The following A2M variants were observed in gnomAD, a reference collection of about 807,000 sequenced individuals.
The protein encoded by A2M is alpha-2-macroglobulin, also known as C3 and PZP-like alpha-2-macroglobulin domain-containing protein 5.
A neutral mutation model predicts 183.9 loss-of-function variants in A2M; 128 were observed. That is an observed-to-expected ratio of 0.70 (90% CI 0.60 to 0.81). The LOEUF (loss-of-function observed/expected upper bound fraction) is 0.81, where lower values mean the gene tolerates loss of function less well. A2M is among the 30% of genes least tolerant of loss of function. The pLI is 0.00. For synonymous variants in A2M, 592 were observed against 670.8 expected (o/e 0.88, Z 1.81); for missense variants, 1,495 against 1,787.6 (o/e 0.84, Z 2.95).
At chr12:9,112,620 T>C in intron 2 of A2M, 84 bp from the exon 3 acceptor site, 1 of 1,465,308 alleles carries the variant, frequency 6.8e-7, no homozygotes, top group Non-Finnish European at 9.4e-7. Flanking sequence ...TCCCTGGAGA[T>C]CTTGCCCTTC....
At chr12:9,113,604 C>T (rs1009035747) in intron 1 of A2M, 61 bp from the exon 2 acceptor site, 2 of 1,454,170 alleles carry the variant, frequency 1.4e-6, no homozygotes, top group Non-Finnish European at 1.9e-6. Flanking sequence ...CTATCAACAG[C>T]ACTTTTTTCC....
intron 10 of A2M, among the ~76,000 whole-genome samples, chr12:9,105,263 C>A (rs1426552861): frequency 1.3e-5 from 2 of 152,124 alleles, no homozygotes; most frequent in African/African-American, 2.4e-5. Flanking sequence ...TGTACAAAGA[C>A]AAGAATAGGC....
At chr12:9,114,435 CTTAGA>C (rs1938971140) in intron 1 of A2M, among the ~76,000 whole-genome samples, 1 of 151,972 alleles carries the variant, frequency 6.6e-6, no homozygotes, top group South Asian at 2.1e-4. Context: ...TAAATTAATA[CTTAGA>C]TTACTTTTAC....
rs369389194 is a variant in A2M at position 9,090,429 on chromosome 12, C to T, written c.2523G>A (p.Lys841=). 3 of 1,613,906 alleles carry T rather than the reference C, an allele frequency of 1.9e-6. No homozygotes were observed. The African/African-American group carries it at 4.0e-5, about 22-fold the overall frequency. ...SPAFLAVPVE[K]EQAPHCICAN... Reference sequence around the variant, plus strand: ...CACAGATGCAGTGAGGCGCTTGTTCCTTCTCCACTGGGACAGCTAGGAAGG... The same window carrying T: ...CACAGATGCAGTGAGGCGCTTGTTCTTTCTCCACTGGGACAGCTAGGAAGG... Residue 841 remains lysine, a synonymous_variant, in exon 20 of 36, where the codon AAG becomes AAA. Coordinates refer to ENST00000318602, the MANE Select transcript of A2M (RefSeq NM_000014.6).
chr12:9,068,109 T>A, intron 35 of A2M, 74 bp downstream of exon 35: 1 of 1,508,252 alleles, frequency 6.6e-7, no homozygotes, highest in Non-Finnish European at 9.1e-7. Flanking sequence ...TACCCAGCGT[T>A]TTATGAAGGA....
chr12:9,112,289 C>G, intron 3 of A2M, 78 bp from the exon 4 acceptor site: 1 of 1,605,830 alleles, frequency 6.2e-7, no homozygotes, highest in African/African-American at 1.3e-5. Flanking sequence ...ATTAAGGAAC[C>G]AAGATTATAG....
intron 22 of A2M, among the ~76,000 whole-genome samples, chr12:9,086,717 A>C (rs1375100945): frequency 6.6e-6 from 1 of 152,236 alleles, no homozygotes; most frequent in East Asian, 1.9e-4. Context: ...CTTTCCTTTA[A>C]GATCTGGAAC....
intron 28 of A2M, among the ~76,000 whole-genome samples, chr12:9,075,064 T>C (rs972721790): frequency 2.6e-5 from 4 of 152,238 alleles, no homozygotes; most frequent in Admixed American, 1.3e-4. Flanking sequence ...AGTTGTCTCA[T>C]TGAGTCTGGC....
chr12:9,101,268 T>C, intron 12 of A2M, 61 bp from the exon 13 acceptor site: 1 of 1,498,136 alleles, frequency 6.7e-7, no homozygotes, highest in Middle Eastern at 1.7e-4. Flanking sequence ...TCAGTCTCAC[T>C]TCAATATACT....
At chr12:9,112,816 G>A in intron 2 of A2M, 1 of 392,202 alleles carries the variant, frequency 2.5e-6, no homozygotes, top group East Asian at 4.9e-5. Context: ...TATACGCTGA[G>A]CTTTACCAGG....
chr12:9,108,404 G>A (rs1043972167), intron 7 of A2M, among the ~76,000 whole-genome samples: 2 of 152,172 alleles, frequency 1.3e-5, no homozygotes, highest in African/African-American at 4.8e-5. Flanking sequence ...GGGATTACAG[G>A]CGTGAGCCAC....
At position 9,090,341 on chromosome 12, in the gene A2M, C is replaced by T; in HGVS notation, c.2596+15G>A. ...TCTTTGAGTAGAGAATTATCTCTAG[C>T]AGTTTTTTGCTCACCTAATGACTTT... On this transcript the variant is annotated intron_variant, in intron 20 of 35. Coordinates refer to ENST00000318602, the MANE Select transcript of A2M (RefSeq NM_000014.6). The T allele has an allele frequency of 6.2e-7, 1 of 1,613,920 alleles. No individual in the cohort carries two copies. Among genetic ancestry groups the T allele is most frequent in the Non-Finnish European group, 8.5e-7 (1 of 1,179,852 alleles).
rs761462313 is a variant in A2M at position 9,072,643 on chromosome 12, A to G, written c.3975+10T>C. On this transcript the variant is annotated intron_variant, in intron 30 of 35. Coordinates refer to ENST00000318602, the MANE Select transcript of A2M (RefSeq NM_000014.6). ...CATCTGTCCTGTCCTCACCTGCCCA[A>G]GAGTCTCACCTGGAGGTAGACACAT... The G allele has an allele frequency of 3.1e-6, 5 of 1,613,762 alleles. No homozygotes were observed. The East Asian group carries it at 8.9e-5, about 29-fold the overall frequency.
Position 9,068,047 on chromosome 12 carries a change from T to C in A2M, c.4408+136A>G. The C allele has an allele frequency of 2.7e-6, 3 of 1,126,628 alleles. No homozygotes were observed. In the South Asian group the frequency reaches 4.3e-5, roughly 16 times the overall value. The allele number at this position is 1,126,628 out of a possible 1,614,324, so 69.8% of individuals were successfully genotyped here. The stretch of plus-strand genomic sequence containing the variant: ...TCAGCGGCCCTCTCCAATAAATGTG[T>C]TTTTCTATAATAATGTGCAGTGTGA... On this transcript the variant is annotated intron_variant, in intron 35 of 35. Coordinates refer to ENST00000318602, the MANE Select transcript of A2M (RefSeq NM_000014.6).
intron 23 of A2M, 58 bp from the exon 24 acceptor site, chr12:9,079,873 C>A: frequency 7.1e-7 from 1 of 1,416,704 alleles, no homozygotes; most frequent in South Asian, 1.7e-5. Context: ...CTATCAAAGT[C>A]ATTAAGCAGA....
chr12:9,093,240 T>C (rs1052641964), intron 18 of A2M, among the ~76,000 whole-genome samples: 5 of 151,914 alleles, frequency 3.3e-5, no homozygotes, highest in Non-Finnish European at 2.9e-5. Flanking sequence ...ATTTTAGGTG[T>C]GCTTGCTATG....
At position 9,091,192 on chromosome 12, in the gene A2M, G is replaced by T. The variant is rs367822318; in HGVS notation, c.2469+9C>A. 1.2e-5 allele frequency: 19 copies of T among 1,585,692 alleles called. No individual in the cohort carries two copies. The highest frequency in any genetic ancestry group is 1.5e-5 in the Non-Finnish European group (17 of 1,155,150). ...TACCTTGTATTTAATTTAGGAAAGA[G>T]ATCCTTACCCGGATGCATTTGGGAA... is the stretch of plus-strand genomic sequence containing the variant. On this transcript the variant is annotated intron_variant, in intron 19 of 35. Transcript: ENST00000318602.
At chr12:9,112,934 C>T (rs987718206) in intron 2 of A2M, among the ~76,000 whole-genome samples, 3 of 152,122 alleles carry the variant, frequency 2.0e-5, no homozygotes, top group Non-Finnish European at 4.4e-5. Flanking sequence ...ATGTGGACAA[C>T]TCTGAAGAGA....
intron 30 of A2M, 35 bp downstream of exon 30, chr12:9,072,618 C>T: frequency 6.2e-7 from 1 of 1,608,910 alleles, no homozygotes; most frequent in Non-Finnish European, 8.5e-7. Flanking sequence ...CTGCTGTCCT[C>T]ATCTGTCCTG....
Sources: allele counts gnomAD v4.1 joint callset (sites outside exome capture counted in the v4.1 genomes callset), GRCh38; gene constraint gnomAD v4.1.1; transcripts MANE v1.5; gene names NCBI Gene and HGNC (gene_info 2026-07-23, HGNC 2026-07-21).